Variants in CWF19L2 observed in about 807,000 individuals in gnomAD.
CWF19L2 encodes CWF19-like protein 2.
In CWF19L2, 98 loss-of-function variants were observed where a neutral mutation model predicts 111.7. The observed-to-expected ratio is 0.88, with a 90% confidence interval of 0.75 to 1.04. The LOEUF is 1.04. Ranked by LOEUF, CWF19L2 falls within the 50% of genes least tolerant of loss-of-function variation. The pLI, the probability that CWF19L2 is intolerant of heterozygous loss-of-function variation, is 0.00. For synonymous variants in CWF19L2, 351 were observed against 342.9 expected (o/e 1.02, Z -0.26); for missense variants, 1,101 against 1,051.4 (o/e 1.05, Z -0.65).
intron 7 of CWF19L2, among the ~76,000 whole-genome samples, chr11:107,430,559 C>G (rs1354015761): frequency 6.6e-6 from 1 of 151,826 alleles, no homozygotes. Flanking sequence ...TGAATTCGGG[C>G]AAAGATCTCT....
At chr11:107,447,231 T>C (rs936684075) in intron 3 of CWF19L2, among the ~76,000 whole-genome samples, 2 of 151,984 alleles carry the variant, frequency 1.3e-5, no homozygotes, top group Non-Finnish European at 2.9e-5. Flanking sequence ...AACATGAAAA[T>C]CTCACTGAGC....
In CWF19L2 at chr11:107,433,705, A is replaced by G; in HGVS notation, c.709T>C (p.Tyr237His). ...DGGLSWLRKS[Y>H]LRMKEQAEKQ... ...TCAGCTTGTTCCTTCATTCTTAGATAAGATTTCCTTAGCCAGCTTAATCCA... is the reference window on the plus strand; with the variant it reads ...TCAGCTTGTTCCTTCATTCTTAGATGAGATTTCCTTAGCCAGCTTAATCCA... The change falls in exon 7 of 18, where the codon TAT (tyrosine) becomes CAT (histidine). Residue 237 changes from tyrosine to histidine, a missense_variant. Physicochemically the swap from Tyr to His is moderately conservative, Grantham distance 83 (BLOSUM62 2). Transcript: ENST00000282251. 1 of 1,593,618 alleles carries G rather than the reference A, an allele frequency of 6.3e-7. No individual in the cohort carries two copies. Among genetic ancestry groups the G allele is most frequent in the Non-Finnish European group, 8.6e-7 (1 of 1,169,324 alleles).
At chr11:107,420,297 G>A (rs553354551) in intron 8 of CWF19L2, among the ~76,000 whole-genome samples, 5 of 152,128 alleles carry the variant, frequency 3.3e-5, no homozygotes, top group East Asian at 1.9e-4. Context: ...ACAGACATAC[G>A]TATGTTAAAC....
At chr11:107,446,669 T>C (rs984981345) in intron 3 of CWF19L2, among the ~76,000 whole-genome samples, 1 of 152,230 alleles carries the variant, frequency 6.6e-6, no homozygotes, top group Admixed American at 6.5e-5. Context: ...ATATTCCCCA[T>C]GTCTAGAACA....
intron 12 of CWF19L2, among the ~76,000 whole-genome samples, chr11:107,363,110 G>C (rs552227458): frequency 1.3e-5 from 2 of 152,124 alleles, no homozygotes; most frequent in South Asian, 4.2e-4. Flanking sequence ...AAGCGAGAAG[G>C]GAAGTTTAGA....
intron 6 of CWF19L2, among the ~76,000 whole-genome samples, chr11:107,434,896 A>G (rs2135415089): frequency 6.6e-6 from 1 of 152,088 alleles, no homozygotes; most frequent in South Asian, 2.1e-4. Flanking sequence ...TGAGTACACA[A>G]ACGTTTTCAT....
chr11:107,443,369 G>C (rs1386163812), intron 3 of CWF19L2, among the ~76,000 whole-genome samples: 1 of 152,046 alleles, frequency 6.6e-6, no homozygotes, highest in Non-Finnish European at 1.5e-5. Flanking sequence ...TGTAATCCCA[G>C]CTGCTCAGGA....
chr11:107,345,674 C>T (rs762884901), intron 14 of CWF19L2, among the ~76,000 whole-genome samples: 2 of 152,078 alleles, frequency 1.3e-5, no homozygotes, highest in African/African-American at 2.4e-5. Flanking sequence ...TCTCTCTATA[C>T]ACACACATAT....
intron 12 of CWF19L2, among the ~76,000 whole-genome samples, chr11:107,362,236 A>G (rs1860360340): frequency 6.6e-6 from 1 of 151,992 alleles, no homozygotes; most frequent in African/African-American, 2.4e-5. Context: ...GGCGGCAGCG[A>G]GGCAGGGGGA....
intron 8 of CWF19L2, among the ~76,000 whole-genome samples, chr11:107,420,460 A>T (rs1047901427): frequency 2.0e-5 from 3 of 152,122 alleles, no homozygotes; most frequent in Non-Finnish European, 4.4e-5. Flanking sequence ...CAATCCAGCA[A>T]GAGCGTTTGA....
chr11:107,455,545 T>G, intron 2 of CWF19L2, 121 bp downstream of exon 2: 1 of 575,784 alleles, frequency 1.7e-6, no homozygotes, highest in Non-Finnish European at 3.0e-6. Flanking sequence ...CAATGCCAAC[T>G]ATGTGATATT....
rs1860545018 is a variant in CWF19L2, at chr11:107,373,399, T to TC, written c.1872+16674dup. Among the ~76,000 whole-genome samples, 8 of 135,062 alleles carry TC rather than the reference T, an allele frequency of 5.9e-5. 2 individuals carry two copies. In the South Asian group the frequency reaches 2.0e-3, roughly 34 times the overall value. The allele number at this position is 135,062 out of a possible 152,430, so 88.6% of individuals were successfully genotyped here. A position where few individuals can be genotyped will look rare whatever the true frequency, so the allele number is the denominator to read the frequency against. On this transcript the variant is annotated intron_variant, in intron 12 of 17. Transcript: ENST00000282251. ...TGACAGCTTTGAAGACAGCAGTGGTTCTCCCAGCACGCAGCTGAAGATCTG... is the reference window on the plus strand; with the variant it reads ...TGACAGCTTTGAAGACAGCAGTGGTTCCTCCCAGCACGCAGCTGAAGATCTG...
chr11:107,443,904 C>T (rs1162936245), intron 3 of CWF19L2, among the ~76,000 whole-genome samples: 1 of 152,164 alleles, frequency 6.6e-6, no homozygotes, highest in Non-Finnish European at 1.5e-5. Context: ...TCCTACCCAC[C>T]GCCCAAAACA....
intron 13 of CWF19L2, among the ~76,000 whole-genome samples, chr11:107,352,017 T>G (rs1860162639): frequency 6.6e-6 from 1 of 152,180 alleles, no homozygotes; most frequent in Admixed American, 6.6e-5. Context: ...GAAGACTAGA[T>G]AATTCTCAGG....
chr11:107,331,497 T>C (rs560880887), intron 16 of CWF19L2, among the ~76,000 whole-genome samples: 1 of 152,186 alleles, frequency 6.6e-6, no homozygotes, highest in East Asian at 1.9e-4. Flanking sequence ...GCTTTGAAGA[T>C]GAAGGAAGGG....
chr11:107,395,027 T>C (rs539189934), intron 10 of CWF19L2, among the ~76,000 whole-genome samples: 20 of 152,196 alleles, frequency 1.3e-4, no homozygotes, highest in Non-Finnish European at 2.8e-4. Flanking sequence ...CTGAGTGTTT[T>C]ATAGCAATTG....
chr11:107,349,049 T>G lies in CWF19L2; in HGVS notation c.2090A>C (p.Tyr697Ser), dbSNP rs748846104. The change falls in exon 14 of 18, where the codon TAT becomes TCT. Residue 697 changes from tyrosine (Y) to serine (S), a missense_variant. Coordinates refer to ENST00000282251, the MANE Select transcript of CWF19L2 (RefSeq NM_152434.3). ...AGACCGTACGTTGGGTAAACATAAA[T>G]AAACCTATAAGAGAGAAATACAAAA... Reference protein sequence around the residue: ...HLIVAIGVKVYLCLPNVRSLT... With the variant: ...HLIVAIGVKVSLCLPNVRSLT... 2 of 1,546,180 alleles carry G rather than the reference T, an allele frequency of 1.3e-6. No individual in the cohort carries two copies. The highest frequency in any genetic ancestry group is 1.8e-6 in the Non-Finnish European group (2 of 1,122,498).
chr11:107,384,183 C>T (rs539343901), intron 12 of CWF19L2, among the ~76,000 whole-genome samples: 1 of 152,252 alleles, frequency 6.6e-6, no homozygotes, highest in East Asian at 1.9e-4. Context: ...TCCCAAGGCC[C>T]AAGATCCATT....
intron 12 of CWF19L2, among the ~76,000 whole-genome samples, chr11:107,354,729 A>C (rs117270105): frequency 0.013 from 1,968 of 152,354 alleles, 24 homozygotes; most frequent in South Asian, 0.037. Context: ...CCACCCATAA[A>C]GAATTACAGC....
Sources: allele counts gnomAD v4.1 joint callset (sites outside exome capture counted in the v4.1 genomes callset), GRCh38; gene constraint gnomAD v4.1.1; transcripts MANE v1.5; gene names NCBI Gene and HGNC (gene_info 2026-07-23, HGNC 2026-07-21).